Variants in RARB observed in about 807,000 individuals in gnomAD.
RARB encodes HBV-activated protein.
A neutral mutation model predicts 51.9 loss-of-function variants in RARB; 17 were observed. That is an observed-to-expected ratio of 0.33 (90% CI 0.22 to 0.49). RARB has a LOEUF of 0.49. RARB is among the 20% of genes least tolerant of loss of function. The pLI, the probability that RARB is intolerant of heterozygous loss-of-function variation, is 0.99. For synonymous variants in RARB, 215 were observed against 195.4 expected (o/e 1.10, Z -0.84); for missense variants, 369 against 550.8 (o/e 0.67, Z 3.30).
intron 5 of RARB, among the ~76,000 whole-genome samples, chr3:25,376,062 C>A (rs1706450892): frequency 6.6e-6 from 1 of 152,214 alleles, no homozygotes; most frequent in African/African-American, 2.4e-5. Context: ...ATAGGGAGTA[C>A]TCTGTAAATG....
rs78818123 is a variant in RARB, at chr3:25,476,567, A to G, written c.306+15226A>G. Among the ~76,000 whole-genome samples, 1,110 of 152,252 alleles carry G rather than the reference A, an allele frequency of 7.3e-3. 6 individuals carry two copies. The highest frequency in any genetic ancestry group is 0.011 in the Non-Finnish European group (768 of 68,020). On this transcript the variant is annotated intron_variant, in intron 2 of 7. Coordinates refer to ENST00000330688, the MANE Select transcript of RARB (RefSeq NM_000965.5). Reference sequence around the variant, plus strand: ...CCCAAATTGCCTCCCTCCAAACTGAATATGATCATAACGTATCTTTCATTT... The same window carrying G: ...CCCAAATTGCCTCCCTCCAAACTGAGTATGATCATAACGTATCTTTCATTT...
In RARB at chr3:25,176,067, G is replaced by A. The variant is rs117959215; in HGVS notation, c.178+1492G>A. ...CCTATGAGCCTCTGTGTCTAATTCC[G>A]TTGCTCAACTGGCCTGACAGCACAT... On this transcript the variant is annotated intron_variant, in intron 5 of 11. Transcript: ENST00000383772. 2.3e-3 allele frequency among the ~76,000 whole-genome samples: 354 copies of A among 152,162 alleles called. 2 individuals are homozygous for A. Among genetic ancestry groups the A allele is most frequent in the East Asian group, 0.02 (103 of 5,154 alleles).
At chr3:25,253,291 C>T (rs1029348414) in intron 5 of RARB, among the ~76,000 whole-genome samples, 13 of 152,006 alleles carry the variant, frequency 8.6e-5, no homozygotes, top group African/African-American at 3.1e-4. Flanking sequence ...GTTGTACATC[C>T]GTATTTTGCC....
At chr3:25,006,724 A>G (rs1199833654) in intron 2 of RARB, among the ~76,000 whole-genome samples, 1 of 152,284 alleles carries the variant, frequency 6.6e-6, no homozygotes, top group South Asian at 2.1e-4. Context: ...TAGATTTTGA[A>G]CATGGGATTT....
At chr3:24,888,849 G>A (rs1255189671) in intron 2 of RARB, among the ~76,000 whole-genome samples, 2 of 152,202 alleles carry the variant, frequency 1.3e-5, no homozygotes, top group Non-Finnish European at 2.9e-5. Flanking sequence ...GAGCAGGGCT[G>A]TGCAAAGAGA....
chr3:24,977,016 G>A (rs1403137598), intron 2 of RARB, among the ~76,000 whole-genome samples: 2 of 152,116 alleles, frequency 1.3e-5, no homozygotes, highest in East Asian at 3.9e-4. Context: ...ATTAAATAGG[G>A]AATCCTTTTC....
chr3:24,856,297 C>A (rs921564477), intron 1 of RARB, among the ~76,000 whole-genome samples: 3 of 151,980 alleles, frequency 2.0e-5, no homozygotes, highest in African/African-American at 7.3e-5. Flanking sequence ...CACTTTGTGG[C>A]GAGGCTTCCT....
chr3:25,230,823 A>G (rs1702160054), intron 5 of RARB, among the ~76,000 whole-genome samples: 1 of 152,158 alleles, frequency 6.6e-6, no homozygotes, highest in Non-Finnish European at 1.5e-5. Context: ...GCTATTGAGC[A>G]CGTGCTCAAT....
At chr3:25,236,431 A>G (rs1019113914) in intron 5 of RARB, among the ~76,000 whole-genome samples, 3 of 152,164 alleles carry the variant, frequency 2.0e-5, no homozygotes, top group Non-Finnish European at 4.4e-5. Flanking sequence ...CTGACCTTCT[A>G]AAGACTAAGA....
intron 5 of RARB, among the ~76,000 whole-genome samples, chr3:25,238,192 T>A (rs1283457319): frequency 6.6e-6 from 1 of 151,892 alleles, no homozygotes; most frequent in Non-Finnish European, 1.5e-5. Flanking sequence ...TCTAGGATTC[T>A]ACTCTCTACC....
chr3:25,539,335 C>T (rs1231352553), intron 3 of RARB, among the ~76,000 whole-genome samples: 2 of 152,114 alleles, frequency 1.3e-5, no homozygotes, highest in African/African-American at 2.4e-5. Context: ...TAACTCCTAC[C>T]TGTTGGCCCT....
intron 5 of RARB, among the ~76,000 whole-genome samples, chr3:25,251,974 C>T (rs1471738030): frequency 6.6e-6 from 1 of 151,934 alleles, no homozygotes; most frequent in Non-Finnish European, 1.5e-5. Flanking sequence ...TTTTTTCTAA[C>T]AGTTTTCTAG....
chr3:25,172,049 T>A (rs558180732), intron 4 of RARB, among the ~76,000 whole-genome samples: 1 of 152,152 alleles, frequency 6.6e-6, no homozygotes, highest in African/African-American at 2.4e-5. Flanking sequence ...TTAGAATTAG[T>A]GTGTTGTATA....
At chr3:25,089,905 C>T (rs1699166941) in intron 3 of RARB, among the ~76,000 whole-genome samples, 1 of 152,118 alleles carries the variant, frequency 6.6e-6, no homozygotes. Flanking sequence ...AGTATATTAG[C>T]CGTCAAAGTC....
chr3:25,086,063 T>C (rs978607446), intron 3 of RARB, among the ~76,000 whole-genome samples: 1 of 152,156 alleles, frequency 6.6e-6, no homozygotes, highest in Non-Finnish European at 1.5e-5. Flanking sequence ...ATGTGGTCAC[T>C]ATGGGTTCAC....
chr3:25,413,306 A>G (rs1002467157), intron 5 of RARB, among the ~76,000 whole-genome samples: 2 of 152,092 alleles, frequency 1.3e-5, no homozygotes, highest in African/African-American at 4.8e-5. Flanking sequence ...ACATGGTTCA[A>G]GTTTGTTTGT....
At chr3:25,520,436 G>A (rs1301594816) in intron 3 of RARB, among the ~76,000 whole-genome samples, 22 of 152,158 alleles carry the variant, frequency 1.4e-4, no homozygotes. Flanking sequence ...CCAAAATCTG[G>A]TCATTTTAGG....
At chr3:25,357,785 T>C (rs1436999638) in intron 5 of RARB, among the ~76,000 whole-genome samples, 1 of 152,210 alleles carries the variant, frequency 6.6e-6, no homozygotes, top group Non-Finnish European at 1.5e-5. Flanking sequence ...TCCCCATTTC[T>C]TGTTTTTGTC....
At chr3:25,057,691 A>C (rs1489202055) in intron 2 of RARB, among the ~76,000 whole-genome samples, 1 of 152,076 alleles carries the variant, frequency 6.6e-6, no homozygotes, top group East Asian at 1.9e-4. Flanking sequence ...TTTGATTTAT[A>C]CTCATGCTTG....
Sources: allele counts gnomAD v4.1 joint callset (sites outside exome capture counted in the v4.1 genomes callset), GRCh38; gene constraint gnomAD v4.1.1; transcripts MANE v1.5; gene names NCBI Gene and HGNC (gene_info 2026-07-23, HGNC 2026-07-21).